PIEZO2: variants seen among roughly 807,000 people sequenced by gnomAD.
The protein encoded by PIEZO2 is piezo-type mechanosensitive ion channel component 2.
Under a neutral mutation model 337.3 loss-of-function variants are expected in PIEZO2, and 172 were observed. The observed-to-expected ratio is 0.51, with a 90% CI of 0.45 to 0.58. The LOEUF is 0.58. Among genes scored for constraint, PIEZO2 ranks in the 20% least tolerant of loss-of-function variants. The probability of loss-of-function intolerance (pLI) is 0.00; values close to 1 mark genes in which losing one functional copy is unlikely to be tolerated. For synonymous variants in PIEZO2, 1,251 were observed against 1,228.5 expected (o/e 1.02, Z -0.38); for missense variants, 3,028 against 3,391.3 (o/e 0.89, Z 2.66).
chr18:10,744,020 T>C (rs547124282), intron 31 of PIEZO2, 122 bp downstream of exon 31: 1 of 624,212 alleles, frequency 1.6e-6, no homozygotes, highest in South Asian at 2.1e-5. Flanking sequence ...AAATAGGAAG[T>C]TGTGAAAGTC....
chr18:10,734,216 G>T (rs1179098746), intron 35 of PIEZO2, among the ~76,000 whole-genome samples: 1 of 152,154 alleles, frequency 6.6e-6, no homozygotes, highest in Non-Finnish European at 1.5e-5. Flanking sequence ...GGTAGTCATA[G>T]AAAATAAAAG....
intron 3 of PIEZO2, among the ~76,000 whole-genome samples, chr18:10,913,433 C>T (rs528571265): frequency 6.6e-6 from 1 of 152,238 alleles, no homozygotes; most frequent in East Asian, 1.9e-4. Context: ...AGATGCTGCT[C>T]GGCTTGACTT....
At chr18:10,812,678 T>A (rs1302013308) in intron 7 of PIEZO2, among the ~76,000 whole-genome samples, 1 of 152,152 alleles carries the variant, frequency 6.6e-6, no homozygotes, top group African/African-American at 2.4e-5. Flanking sequence ...GGACTCATTA[T>A]AGCTGTCCCT....
chr18:11,043,743 CA>C (rs1257399631), intron 2 of PIEZO2, among the ~76,000 whole-genome samples: 1 of 151,990 alleles, frequency 6.6e-6, no homozygotes, highest in Non-Finnish European at 1.5e-5. Flanking sequence ...TGCCCAGGCT[CA>C]TTGCAACCTC....
rs1468099442 is a variant in PIEZO2, at chr18:11,149,115, C to G, written c.-527G>C. Among the ~76,000 whole-genome samples the G allele has an allele frequency of 6.6e-6, 1 of 152,124 alleles. No individual in the cohort carries two copies. The highest frequency in any genetic ancestry group is 1.5e-5 in the Non-Finnish European group (1 of 68,016). On this transcript the variant is annotated 5_prime_UTR_variant, in exon 1 of 56. Transcript: ENST00000674853. The surrounding 1 kb of genome is among the most constrained non-coding windows in gnomAD (Gnocchi z 8.7). ...CGTCTCCGCTGCCCACGCAGGCTGCCGCGCTCTGGCCTCGGCCCCGGCTCT... is the reference window on the plus strand; with the variant it reads ...CGTCTCCGCTGCCCACGCAGGCTGCGGCGCTCTGGCCTCGGCCCCGGCTCT...
chr18:11,076,558 T>C (rs2038553976), intron 1 of PIEZO2, among the ~76,000 whole-genome samples: 1 of 152,086 alleles, frequency 6.6e-6, no homozygotes, highest in Non-Finnish European at 1.5e-5. Context: ...TAGTTTGTTT[T>C]TTTTTGGCCA....
Position 10,726,874 on chromosome 18 carries a change from C to A in PIEZO2, c.5029+4533G>T. On this transcript the variant is annotated intron_variant, in intron 36 of 55. Transcript: ENST00000674853. The surrounding 1 kb of genome is among the most constrained non-coding windows in gnomAD (Gnocchi z 5.9). ...GGACTTGGCACGCTACCGGCAGCAGCTGAAGCACATCATGGCCACCAACCG... is the reference window on the plus strand; with the variant it reads ...GGACTTGGCACGCTACCGGCAGCAGATGAAGCACATCATGGCCACCAACCG... The A allele has an allele frequency of 6.3e-7, 1 of 1,598,000 alleles. No individual in the cohort carries two copies. Among genetic ancestry groups the A allele is most frequent in the Non-Finnish European group, 8.6e-7 (1 of 1,168,286 alleles).
intron 2 of PIEZO2, among the ~76,000 whole-genome samples, chr18:11,040,118 A>C (rs2037065874): frequency 6.6e-6 from 1 of 152,128 alleles, no homozygotes; most frequent in African/African-American, 2.4e-5. Context: ...TGAAAAAAAA[A>C]AAAGGCTTCA....
Position 11,104,074 on chromosome 18 carries a change from A to T in PIEZO2, c.65-37852T>A, listed in dbSNP as rs762918299. Among the ~76,000 whole-genome samples the T allele has an allele frequency of 2.6e-5, 4 of 152,158 alleles. No homozygotes were observed. The highest frequency in any genetic ancestry group is 4.4e-5 in the Non-Finnish European group (3 of 68,026). ...TTCATGTCTTCATTTCCAGTTGAAGACAATAGTGTAATAGGATGTTAAAAT... is the reference window on the plus strand; with the variant it reads ...TTCATGTCTTCATTTCCAGTTGAAGTCAATAGTGTAATAGGATGTTAAAAT... On this transcript the variant is annotated intron_variant, in intron 1 of 55. Coordinates refer to ENST00000674853, the MANE Select transcript of PIEZO2 (RefSeq NM_001378183.1). The surrounding 1 kb of genome is among the most constrained non-coding windows in gnomAD (Gnocchi z 4.6).
rs964817525 is a variant in PIEZO2, at chr18:10,803,926, C to T, written c.1149G>A (p.Gly383=). 5.9e-6 allele frequency: 9 copies of T among 1,537,220 alleles called. No individual in the cohort carries two copies. The highest frequency in any genetic ancestry group is 2.7e-5 in the African/African-American group (2 of 73,074). The change falls in exon 9 of 56, where the codon GGG becomes GGA. Residue 383 remains glycine, a synonymous_variant. Coordinates refer to ENST00000674853, the MANE Select transcript of PIEZO2 (RefSeq NM_001378183.1). ...TTGCGTACCACAGGCTCCGCCTCCT[C>T]CCCGCTGTTATTTGGATGGGGCTAC... is the stretch of plus-strand genomic sequence containing the variant. ...LACSPIQITA[G]RRRSLWYATH...
chr18:10,836,136 C>T (rs570319927), intron 7 of PIEZO2, among the ~76,000 whole-genome samples: 9 of 152,162 alleles, frequency 5.9e-5, no homozygotes, highest in Non-Finnish European at 8.8e-5. Flanking sequence ...AAGTTACTCT[C>T]GACACACTTA....
At chr18:10,801,469 T>C (rs1568074178) in intron 9 of PIEZO2, 41 bp from the exon 10 acceptor site, 1 of 1,460,734 alleles carries the variant, frequency 6.8e-7, no homozygotes, top group East Asian at 2.5e-5. Flanking sequence ...GTAAGGAAGC[T>C]GAAAGCATTT....
At position 11,016,486 on chromosome 18, in the gene PIEZO2, G is replaced by T. The variant is rs976770877; in HGVS notation, c.161-36826C>A. 2.0e-5 allele frequency among the ~76,000 whole-genome samples: 3 copies of T among 152,182 alleles called. No homozygotes were observed. The highest frequency in any genetic ancestry group is 7.2e-5 in the African/African-American group (3 of 41,440). The stretch of plus-strand genomic sequence containing the variant: ...CCCCTAGGAACCCCCTGCAAAGGGT[G>T]GGTATGAGGGGGGTCGGGTTAAGCG... On this transcript the variant is annotated intron_variant, in intron 2 of 55. Coordinates refer to ENST00000674853, the MANE Select transcript of PIEZO2 (RefSeq NM_001378183.1). The surrounding 1 kb of genome is among the most constrained non-coding windows in gnomAD (Gnocchi z 5.6).
rs1008890165 is a variant in PIEZO2, at chr18:10,940,483, C to T, written c.287-29255G>A. Among the ~76,000 whole-genome samples the T allele has an allele frequency of 6.6e-6, 1 of 152,184 alleles. No homozygotes were observed. Among genetic ancestry groups the T allele is most frequent in the Admixed American group, 6.5e-5 (1 of 15,282 alleles). ...TTTTACATAAGGTATCCTTGTAGTT[C>T]TTTCTAGAACTAGGATCAGGACTTT... is the stretch of plus-strand genomic sequence containing the variant. On this transcript the variant is annotated intron_variant, in intron 3 of 55. Transcript: ENST00000674853. The surrounding 1 kb of genome is among the most constrained non-coding windows in gnomAD (Gnocchi z 5.3).
intron 34 of PIEZO2, among the ~76,000 whole-genome samples, 153 bp from the exon 35 acceptor site, chr18:10,735,483 T>G (rs2036959727): frequency 6.6e-6 from 1 of 152,172 alleles, no homozygotes; most frequent in Admixed American, 6.5e-5. Context: ...GCTCTGCTTG[T>G]AAGTTAGGAA....
intron 2 of PIEZO2, among the ~76,000 whole-genome samples, chr18:11,060,576 T>C (rs2037911196): frequency 6.6e-6 from 1 of 152,074 alleles, no homozygotes; most frequent in African/African-American, 2.4e-5. Context: ...AAAGGGGATA[T>C]CACCACCGAT....
intron 7 of PIEZO2, among the ~76,000 whole-genome samples, chr18:10,822,944 T>C (rs993722731): frequency 6.6e-6 from 1 of 152,226 alleles, no homozygotes; most frequent in Non-Finnish European, 1.5e-5. Context: ...TAGATTGAAG[T>C]CTGTGAACTT....
intron 12 of PIEZO2, 83 bp downstream of exon 12, chr18:10,797,291 A>G (rs566392702): frequency 8.2e-7 from 1 of 1,214,894 alleles, no homozygotes; most frequent in African/African-American, 1.4e-5. Flanking sequence ...ATGTACCATC[A>G]TATTATACAT....
At chr18:10,970,687 C>T (rs2145433480) in intron 3 of PIEZO2, among the ~76,000 whole-genome samples, 1 of 149,132 alleles carries the variant, frequency 6.7e-6, no homozygotes, top group African/African-American at 2.5e-5. Flanking sequence ...CACACACACA[C>T]ACACACACAC....
Sources: gnomAD v4.1 joint callset for allele counts (sites outside exome capture counted in the v4.1 genomes callset) on GRCh38, gnomAD v4.1.1 for gene constraint, Gnocchi (gnomAD v3.1) non-coding constraint, MANE v1.5 for transcripts, NCBI Gene and HGNC (gene_info 2026-07-23, HGNC 2026-07-21) for gene names.